Variants in ETS2 observed in about 807,000 individuals in gnomAD.
The protein encoded by ETS2 is protein C-ets-2.
Under a neutral mutation model 54.9 loss-of-function variants are expected in ETS2, and 19 were observed. The ratio of observed to expected loss-of-function variants is 0.35; its 90% CI spans 0.24 to 0.51. The LOEUF is 0.51. ETS2 is among the 20% of genes least tolerant of loss of function. The pLI is 0.97. For missense variants in ETS2, 417 were observed against 593.0 expected (o/e 0.70, Z 3.08); for synonymous variants, 219 against 229.3 (o/e 0.95, Z 0.41).
chr21:38,810,818 C>T (rs976487923), intron 2 of ETS2, among the ~76,000 whole-genome samples: 1 of 152,174 alleles, frequency 6.6e-6, no homozygotes, highest in African/African-American at 2.4e-5. Flanking sequence ...AGTTTAGCGT[C>T]TTGCATAATG....
Position 38,806,566 on chromosome 21 carries a change from G to T in ETS2, c.-1+446G>T. 2.0e-6 allele frequency: 2 copies of T among 985,472 alleles called. No homozygotes were observed. Among genetic ancestry groups the T allele is most frequent in the Non-Finnish European group, 2.4e-6 (2 of 829,980 alleles). The allele number at this position is 985,472 out of a possible 1,614,324, so 61.0% of individuals were successfully genotyped here. ...CGAGGTGGCCTGGCGCCCCGGCTTT[G>T]AGGGTGACTTCCTGGAGCGGCGCCG... On this transcript the variant is annotated intron_variant, in intron 1 of 9. Coordinates refer to ENST00000360938, the MANE Select transcript of ETS2 (RefSeq NM_005239.6). The surrounding 1 kb of genome is among the most constrained non-coding windows in gnomAD (Gnocchi z 4.3).
rs2060957260 is a variant in ETS2 at position 38,821,354 on chromosome 21, A to G, written c.1076-232A>G. ...GTCTCGCCTAGTGACCTTATTTTCT[A>G]GGAGTAGGCAGTGTGGAGCAGGAAC... On this transcript the variant is annotated intron_variant, in intron 8 of 9. Transcript: ENST00000360938. The surrounding 1 kb of genome is among the most constrained non-coding windows in gnomAD (Gnocchi z 4.2). 6.6e-6 allele frequency among the ~76,000 whole-genome samples: 1 copy of G among 152,062 alleles called. No homozygotes were observed. Among genetic ancestry groups the G allele is most frequent in the Non-Finnish European group, 1.5e-5 (1 of 68,010 alleles).
intron 1 of ETS2, 22 bp from the exon 2 acceptor site, chr21:38,810,012 AC>A (rs774338183): frequency 2.9e-5 from 42 of 1,467,552 alleles, no homozygotes; most frequent in Non-Finnish European, 3.4e-5. Flanking sequence ...TGCCTCTTTG[AC>A]TTTTTTTTTT....
Position 38,823,047 on chromosome 21 carries a change from T to C in ETS2, c.*158T>C, listed in dbSNP as rs1209096674. The C allele has an allele frequency of 6.6e-5, 33 of 502,368 alleles. No homozygotes were observed. Among genetic ancestry groups the C allele is most frequent in the Non-Finnish European group, 7.4e-5 (22 of 296,244 alleles). The allele number at this position is 502,368 out of a possible 1,614,324, so 31.1% of individuals were successfully genotyped here. On this transcript the variant is annotated 3_prime_UTR_variant, in exon 10 of 10. Coordinates refer to ENST00000360938, the MANE Select transcript of ETS2 (RefSeq NM_005239.6). Reference sequence around the variant, plus strand: ...TTATTGCATCCCAAACCACGCCTCTTGACCAGGCTGCCTCCCTTGTGGCAG... The same window carrying C: ...TTATTGCATCCCAAACCACGCCTCTCGACCAGGCTGCCTCCCTTGTGGCAG...
At chr21:38,817,160 A>C (rs1452258174) in intron 6 of ETS2, 69 bp downstream of exon 6, 2 of 1,059,082 alleles carry the variant, frequency 1.9e-6, no homozygotes, top group East Asian at 4.7e-5. Flanking sequence ...GAATCTCTCT[A>C]CTGTAGGCTC....
Position 38,818,479 on chromosome 21 carries a change from G to A in ETS2, c.644G>A (p.Gly215Asp). The change falls in exon 7 of 10, where the codon GGC becomes GAC. Residue 215 changes from glycine (G) to aspartate (D), a missense_variant. By Grantham distance (94) the Gly-to-Asp change is moderately conservative (BLOSUM62 -1). Coordinates refer to ENST00000360938, the MANE Select transcript of ETS2 (RefSeq NM_005239.6). ...YGMQTQNYPK[G>D]GLLDSMCPAS... ...ATGCAGACACAGAATTACCCCAAAG[G>A]CGGCCTCCTGGACAGCATGTGTCCG... is the stretch of plus-strand genomic sequence containing the variant. 1 of 1,614,160 alleles carries A rather than the reference G, an allele frequency of 6.2e-7. No homozygotes were observed. Among genetic ancestry groups the A allele is most frequent in the Non-Finnish European group, 8.5e-7 (1 of 1,180,036 alleles).
upstream of ETS2, chr21:38,805,379 C>T (rs566934752): frequency 2.3e-6 from 3 of 1,288,930 alleles, no homozygotes; most frequent in African/African-American, 4.5e-5. The surrounding 1 kb of genome is among the most constrained non-coding windows in gnomAD (Gnocchi z 5.2). Flanking sequence ...GCCTTATTAC[C>T]CAAGCCCGGC....
intron 3 of ETS2, among the ~76,000 whole-genome samples, chr21:38,813,667 C>G (rs1373524677): frequency 1.3e-5 from 2 of 152,172 alleles, no homozygotes; most frequent in Admixed American, 1.3e-4. Flanking sequence ...TGGAAACATG[C>G]CAGAGATGAC....
intron 5 of ETS2, among the ~76,000 whole-genome samples, chr21:38,816,209 T>C (rs1026974791): frequency 1.3e-5 from 2 of 152,002 alleles, no homozygotes; most frequent in African/African-American, 4.8e-5. Flanking sequence ...TGACTGATTT[T>C]AAACACACTG....
At chr21:38,807,846 C>T (rs889137570) in intron 1 of ETS2, among the ~76,000 whole-genome samples, 1 of 152,136 alleles carries the variant, frequency 6.6e-6, no homozygotes. Context: ...CTGACCCATC[C>T]GGCTCTGGAT....
chr21:38,812,929 A>G, intron 2 of ETS2, 74 bp from the exon 3 acceptor site: 2 of 1,055,072 alleles, frequency 1.9e-6, no homozygotes, highest in Non-Finnish European at 3.0e-6. Flanking sequence ...GATTGCCCAC[A>G]GACCACTTTT....
At position 38,822,996 on chromosome 21, in the gene ETS2, A is replaced by C; in HGVS notation, c.*107A>C. The C allele has an allele frequency of 3.2e-6, 3 of 943,354 alleles. No homozygotes were observed. In the East Asian group the frequency reaches 8.7e-5, roughly 27 times the overall value. 58.4% of individuals were successfully genotyped at this position (943,354 alleles called of 1,614,324 possible). A position where few individuals can be genotyped will look rare whatever the true frequency, so the allele number is the denominator to read the frequency against. ...AGGAAAGGCAGGATTGAAAATGTCC[A>C]GGAAAGTGGCCAAGAAGCAGTGGCC... On this transcript the variant is annotated 3_prime_UTR_variant, in exon 10 of 10. Transcript: ENST00000360938.
At chr21:38,805,686 G>T, upstream of ETS2, 5 of 1,162,974 alleles carry the variant, frequency 4.3e-6, no homozygotes, top group Non-Finnish European at 5.4e-6. This position sits in a 1 kb window ranked among gnomAD's most constrained non-coding sequence, Gnocchi z 5.2. Flanking sequence ...CTCTCCCCTC[G>T]TGCGTTCCCT....
At chr21:38,808,586 G>A (rs1601424329) in intron 1 of ETS2, among the ~76,000 whole-genome samples, 1 of 128,042 alleles carries the variant, frequency 7.8e-6, no homozygotes, top group Admixed American at 8.3e-5. Context: ...AGGGGTGTGT[G>A]TGTATGTGTG....
At position 38,806,466 on chromosome 21, in the gene ETS2, T is replaced by G; in HGVS notation, c.-1+346T>G. ...TTTTTAAAAGGAAACGCAGGCCTGG[T>G]AGGGGGTCCTGCCCAGTGGATGTCC... On this transcript the variant is annotated intron_variant, in intron 1 of 9. Coordinates refer to ENST00000360938, the MANE Select transcript of ETS2 (RefSeq NM_005239.6). This position sits in a 1 kb window ranked among gnomAD's most constrained non-coding sequence, Gnocchi z 4.3. 1 of 985,222 alleles carries G rather than the reference T, an allele frequency of 1.0e-6. No individual in the cohort carries two copies. Among genetic ancestry groups the G allele is most frequent in the South Asian group, 4.7e-5 (1 of 21,280 alleles). 61.0% of individuals were successfully genotyped at this position (985,222 alleles called of 1,614,324 possible).
intron 1 of ETS2, among the ~76,000 whole-genome samples, chr21:38,808,601 T>TGTGTGTGTGTGTGTGTGTGTGTTGG (rs1490027341): frequency 2.6e-5 from 4 of 151,670 alleles, no homozygotes; most frequent in Non-Finnish European, 5.9e-5. Flanking sequence ...TGTGTGTGTG[T>TGTGTGTGTGTGTGTGTGTGTGTTGG]GTGTGTGTGT....
chr21:38,806,762 G>T lies in ETS2; in HGVS notation c.-1+642G>T. On this transcript the variant is annotated intron_variant, in intron 1 of 9. Coordinates refer to ENST00000360938, the MANE Select transcript of ETS2 (RefSeq NM_005239.6). The surrounding 1 kb of genome is among the most constrained non-coding windows in gnomAD (Gnocchi z 4.3). The stretch of plus-strand genomic sequence containing the variant: ...CCTGTCGGAAATGAGATCTGGTTGC[G>T]CTGGGCTGCCTTTATTTTCTCGTTC... 2 of 985,498 alleles carry T rather than the reference G, an allele frequency of 2.0e-6. No homozygotes were observed. The highest frequency in any genetic ancestry group is 2.4e-6 in the Non-Finnish European group (2 of 829,962). The allele number at this position is 985,498 out of a possible 1,614,324, so 61.0% of individuals were successfully genotyped here. A position where few individuals can be genotyped will look rare whatever the true frequency, so the allele number is the denominator to read the frequency against.
At chr21:38,816,883 T>C in intron 5 of ETS2, 125 bp from the exon 6 acceptor site, 1 of 598,154 alleles carries the variant, frequency 1.7e-6, no homozygotes, top group Admixed American at 2.9e-5. Context: ...TGAGATTAAA[T>C]GTGAAGCACT....
rs1002848051 is a variant in ETS2 at position 38,821,784 on chromosome 21, A to G, written c.1194+80A>G. 2.0e-6 allele frequency: 2 copies of G among 1,012,760 alleles called. No homozygotes were observed. The highest frequency in any genetic ancestry group is 3.2e-5 in the African/African-American group (2 of 63,216). 62.7% of individuals were successfully genotyped at this position (1,012,760 alleles called of 1,614,324 possible). On this transcript the variant is annotated intron_variant, in intron 9 of 9. Transcript: ENST00000360938. This position sits in a 1 kb window ranked among gnomAD's most constrained non-coding sequence, Gnocchi z 4.2. ...CATTCAAAAACTCAGTTCTTTGGGC[A>G]CAAAAAAGGGTTCACCAGTACTGCT...
Sources: allele counts gnomAD v4.1 joint callset (sites outside exome capture counted in the v4.1 genomes callset), GRCh38; gene constraint gnomAD v4.1.1; non-coding constraint Gnocchi (gnomAD v3.1); transcripts MANE v1.5; gene names NCBI Gene and HGNC (gene_info 2026-07-23, HGNC 2026-07-21).